INPP5D: variants seen among roughly 807,000 people sequenced by gnomAD.
The protein encoded by INPP5D is phosphatidylinositol 3,4,5-trisphosphate 5-phosphatase 1.
INPP5D carries 33 observed loss-of-function variants against 122.9 expected under a neutral mutation model. The observed-to-expected ratio is 0.27, with a 90% confidence interval of 0.20 to 0.36. The LOEUF is 0.36. INPP5D is among the 10% of genes least tolerant of loss of function. The pLI is 1.00. For missense variants in INPP5D, 1,053 were observed against 1,412.7 expected, an observed-to-expected ratio of 0.75 and a Z score of 4.08; for synonymous variants, 584 against 576.2, an observed-to-expected ratio of 1.01 and a Z score of -0.19.
Position 233,204,636 on chromosome 2 carries a change from C to T in INPP5D, c.3486C>T (p.Arg1162=), listed in dbSNP as rs1195079041. Residue 1162 remains arginine (R), a synonymous_variant, in exon 26 of 27, where the codon CGC becomes CGT. Coordinates refer to ENST00000445964, the MANE Select transcript of INPP5D (RefSeq NM_001017915.3). Reference sequence around the variant, plus strand: ...AGCACTCCAAGGGCCGCGACTACCGCGACAACACCGAGCTCCCGCATCACG... The same window carrying T: ...AGCACTCCAAGGGCCGCGACTACCGTGACAACACCGAGCTCCCGCATCACG... The part of the protein sequence containing the change: ...HLQHSKGRDY[R]DNTELPHHGK... The T allele has an allele frequency of 5.1e-6, 8 of 1,583,308 alleles. No individual in the cohort carries two copies. In the Admixed American group the frequency reaches 1.2e-4, roughly 25 times the overall value.
At chr2:233,063,878 C>G (rs994962153) in intron 1 of INPP5D, among the ~76,000 whole-genome samples, 1 of 152,264 alleles carries the variant, frequency 6.6e-6, no homozygotes, top group African/African-American at 2.4e-5. Flanking sequence ...CGGGGGGAGT[C>G]TGTGGGTGCC....
At chr2:233,102,836 C>A (rs1183628700) in intron 2 of INPP5D, among the ~76,000 whole-genome samples, 2 of 142,718 alleles carry the variant, frequency 1.4e-5, no homozygotes, top group South Asian at 4.5e-4. Flanking sequence ...GGCGACAGAG[C>A]AAGACTCCGT....
intron 2 of INPP5D, among the ~76,000 whole-genome samples, chr2:233,119,261 C>T (rs1049954902): frequency 1.3e-5 from 2 of 152,234 alleles, no homozygotes; most frequent in Admixed American, 1.3e-4. Context: ...CGTTCAACTT[C>T]AGCTTTCTTT....
At chr2:233,095,252 C>T (rs146366519) in intron 2 of INPP5D, among the ~76,000 whole-genome samples, 569 of 152,316 alleles carry the variant, frequency 3.7e-3, no homozygotes, top group Middle Eastern at 0.014. Flanking sequence ...CAAGATTGCA[C>T]ATACATAAGA....
chr2:233,102,026 G>A (rs1156847463), intron 2 of INPP5D, among the ~76,000 whole-genome samples: 1 of 151,880 alleles, frequency 6.6e-6, no homozygotes, highest in Non-Finnish European at 1.5e-5. Context: ...TGGGAGCCAC[G>A]CCCCGGGCTC....
At chr2:233,138,325 G>T (rs1341115478) in intron 5 of INPP5D, among the ~76,000 whole-genome samples, 2 of 124,810 alleles carry the variant, frequency 1.6e-5, no homozygotes, top group East Asian at 2.5e-4. Flanking sequence ...AAAAAAAAAA[G>T]CAAAGCAATA....
chr2:233,062,986 A>G (rs77302582), intron 1 of INPP5D, among the ~76,000 whole-genome samples: 1 of 133,796 alleles, frequency 7.5e-6, no homozygotes, highest in Admixed American at 7.2e-5. Context: ...GAAGGGCATT[A>G]AAAAAAAAAA....
intron 14 of INPP5D, 90 bp from the exon 15 acceptor site, chr2:233,169,936 G>C (rs10754947): frequency 6.3e-7 from 1 of 1,591,308 alleles, no homozygotes; most frequent in Non-Finnish European, 8.6e-7. Flanking sequence ...TATGCTCCTC[G>C]CCCCACACCT....
chr2:233,084,569 C>T (rs1691781406), intron 2 of INPP5D, among the ~76,000 whole-genome samples: 2 of 152,218 alleles, frequency 1.3e-5, no homozygotes, highest in South Asian at 4.1e-4. Context: ...AGAGGGAAAA[C>T]AAAACAACTT....
chr2:233,122,672 T>C (rs1693025014), intron 3 of INPP5D, among the ~76,000 whole-genome samples: 1 of 152,182 alleles, frequency 6.6e-6, no homozygotes, highest in African/African-American at 2.4e-5. Flanking sequence ...TCAGGCATGG[T>C]GGCTCAGGCC....
At position 233,125,664 on chromosome 2, in the gene INPP5D, C is replaced by T. The variant is rs1368921176; in HGVS notation, c.350-81C>T. ...GAGATCAATAACGTGGGTGTCGTGG[C>T]CTGGACCCCATGGGGCTGCGGTGAA... is the stretch of plus-strand genomic sequence containing the variant. On this transcript the variant is annotated intron_variant, in intron 3 of 26. Coordinates refer to ENST00000445964, the MANE Select transcript of INPP5D (RefSeq NM_001017915.3). 2.3e-6 allele frequency: 3 copies of T among 1,311,140 alleles called. No individual in the cohort carries two copies. In the African/African-American group the frequency reaches 4.4e-5, roughly 19 times the overall value. The allele number at this position is 1,311,140 out of a possible 1,614,324, so 81.2% of individuals were successfully genotyped here.
intron 1 of INPP5D, among the ~76,000 whole-genome samples, chr2:233,074,378 A>C (rs569570439): frequency 6.6e-6 from 1 of 152,172 alleles, no homozygotes; most frequent in Non-Finnish European, 1.5e-5. Context: ...CCAGCTCCCA[A>C]TAATACTCGG....
At chr2:233,102,595 TC>T (rs1450889659) in intron 2 of INPP5D, among the ~76,000 whole-genome samples, 1 of 150,390 alleles carries the variant, frequency 6.6e-6, no homozygotes, top group East Asian at 2.0e-4. Context: ...ACGCCTGTAA[TC>T]CCAGCACTTT....
intron 2 of INPP5D, among the ~76,000 whole-genome samples, chr2:233,080,974 T>C (rs1354920652): frequency 6.6e-6 from 1 of 152,226 alleles, no homozygotes; most frequent in African/African-American, 2.4e-5. Context: ...AACCACTCCC[T>C]GCGTAGTTAG....
rs1448143726 is a variant in INPP5D at position 233,139,647 on chromosome 2, G to A, written c.666-195G>A. Among the ~76,000 whole-genome samples, 8 of 152,202 alleles carry A rather than the reference G, an allele frequency of 5.3e-5. No homozygotes were observed. In the East Asian group the frequency reaches 5.8e-4, roughly 11 times the overall value. On this transcript the variant is annotated intron_variant, in intron 5 of 26. Coordinates refer to ENST00000445964, the MANE Select transcript of INPP5D (RefSeq NM_001017915.3). ...AGTCAGGACTACACAATTCCAGTTC[G>A]CTGTGGGTTGGGAAGGGATGGGTGG...
chr2:233,204,609 C>T lies in INPP5D; in HGVS notation c.3459C>T (p.Leu1153=). Residue 1153 remains leucine (L), a synonymous_variant, in exon 26 of 27, where the codon CTC becomes CTT. Coordinates refer to ENST00000445964, the MANE Select transcript of INPP5D (RefSeq NM_001017915.3). ...LPVKSPAVLH[L]QHSKGRDYRD... ...TCAAGAGCCCGGCGGTGCTGCACCT[C>T]CAGCACTCCAAGGGCCGCGACTACC... 2 of 1,575,558 alleles carry T rather than the reference C, an allele frequency of 1.3e-6. No homozygotes were observed. The highest frequency in any genetic ancestry group is 2.4e-5 in the East Asian group (1 of 42,470).
In INPP5D at chr2:233,204,775, C is replaced by A. The variant is rs754271440; in HGVS notation, c.3567+58C>A. ...TTGTGTGTGTGTGCATGCGTGAGTGCGTATGTGTGTACCTATGCATATGTG... is the reference window on the plus strand; with the variant it reads ...TTGTGTGTGTGTGCATGCGTGAGTGAGTATGTGTGTACCTATGCATATGTG... On this transcript the variant is annotated intron_variant, in intron 26 of 26. Transcript: ENST00000445964. 2.1e-6 allele frequency: 3 copies of A among 1,416,124 alleles called. No individual in the cohort carries two copies. The East Asian group carries it at 7.9e-5, about 37-fold the overall frequency. 87.7% of individuals were successfully genotyped at this position (1,416,124 alleles called of 1,614,324 possible). A position where few individuals can be genotyped will look rare whatever the true frequency, so the allele number is the denominator to read the frequency against.
At chr2:233,087,759 A>G (rs1246695310) in intron 2 of INPP5D, among the ~76,000 whole-genome samples, 1 of 152,250 alleles carries the variant, frequency 6.6e-6, no homozygotes, top group Non-Finnish European at 1.5e-5. Flanking sequence ...AAGAAGATAG[A>G]AAGTGCTACA....
intron 9 of INPP5D, among the ~76,000 whole-genome samples, chr2:233,153,142 G>A (rs538333472): frequency 2.0e-5 from 3 of 152,286 alleles, no homozygotes; most frequent in East Asian, 1.9e-4. Context: ...AAGGTGGGGC[G>A]CTGACTGACT....
Sources: gnomAD v4.1 joint callset for allele counts (sites outside exome capture counted in the v4.1 genomes callset) on GRCh38, gnomAD v4.1.1 for gene constraint, MANE v1.5 for transcripts, NCBI Gene and HGNC (gene_info 2026-07-23, HGNC 2026-07-21) for gene names.